Variants in MALRD1 observed in about 807,000 individuals in gnomAD.
The protein encoded by MALRD1 is MAM and LDL-receptor class A domain-containing protein 1.
A neutral mutation model predicts 242.1 loss-of-function variants in MALRD1; 247 were observed. That is an observed-to-expected ratio of 1.02 (90% CI 0.92 to 1.13). The LOEUF is 1.13. Among genes scored for constraint, MALRD1 ranks in the 50% most tolerant of loss-of-function variants. The probability of loss-of-function intolerance (pLI) is 0.00; values close to 1 mark genes in which losing one functional copy is unlikely to be tolerated. For synonymous variants in MALRD1, 995 were observed against 866.6 expected, an observed-to-expected ratio of 1.15 and a Z score of -2.60; for missense variants, 2,989 against 2,533.1, an observed-to-expected ratio of 1.18 and a Z score of -3.86.
chr10:19,719,222 A>ATG (rs1491464679), intron 38 of MALRD1, among the ~76,000 whole-genome samples: 4 of 77,306 alleles, frequency 5.2e-5, no homozygotes, highest in African/African-American at 2.2e-4. Context: ...ACACATACAT[A>ATG]CATATATATA....
At chr10:19,067,659 C>T (rs1018534601) in intron 2 of MALRD1, among the ~76,000 whole-genome samples, 1 of 152,054 alleles carries the variant, frequency 6.6e-6, no homozygotes, top group African/African-American at 2.4e-5. Context: ...ACTCCCTGGT[C>T]TGTCCCTCCC....
intron 33 of MALRD1, among the ~76,000 whole-genome samples, chr10:19,578,791 T>C (rs945947878): frequency 1.3e-5 from 2 of 151,882 alleles, no homozygotes; most frequent in Non-Finnish European, 2.9e-5. Context: ...TGCCCTTCCT[T>C]CCTCTTCTGA....
intron 19 of MALRD1, among the ~76,000 whole-genome samples, chr10:19,260,306 T>A (rs952116062): frequency 6.6e-6 from 1 of 152,072 alleles, no homozygotes; most frequent in Non-Finnish European, 1.5e-5. Context: ...GACAGATAGA[T>A]CTTAATCATA....
At chr10:19,462,890 C>A (rs993390803) in intron 29 of MALRD1, among the ~76,000 whole-genome samples, 2 of 151,974 alleles carry the variant, frequency 1.3e-5, no homozygotes, top group Non-Finnish European at 2.9e-5. Context: ...ATCTGGCTGG[C>A]AAGAAAAAAT....
At chr10:19,383,003 C>A (rs1845902340) in intron 26 of MALRD1, among the ~76,000 whole-genome samples, 1 of 152,094 alleles carries the variant, frequency 6.6e-6, no homozygotes. Flanking sequence ...GTAGGGAACA[C>A]CACTACAGAT....
intron 33 of MALRD1, among the ~76,000 whole-genome samples, chr10:19,587,917 T>C (rs576589195): frequency 1.3e-5 from 2 of 151,258 alleles, no homozygotes; most frequent in Non-Finnish European, 1.5e-5. Context: ...AGGTGTTTTT[T>C]TTTTTTCTTA....
chr10:19,289,806 T>G (rs367559421), intron 21 of MALRD1, among the ~76,000 whole-genome samples: 22 of 152,290 alleles, frequency 1.4e-4, no homozygotes, highest in African/African-American at 4.1e-4. Flanking sequence ...AAAGCCAGGT[T>G]TTTAAGGATG....
chr10:19,607,609 T>A lies in MALRD1; in HGVS notation c.5945-168T>A, dbSNP rs189628572. On this transcript the variant is annotated intron_variant, in intron 34 of 39. Coordinates refer to ENST00000454679, the MANE Select transcript of MALRD1 (RefSeq NM_001142308.3). ...GGTTTTTCTTTCAGACATTTTTAAG[T>A]TAATCCATTTGAAATATTCTTCAAA... Among the ~76,000 whole-genome samples, 7 of 152,270 alleles carry A rather than the reference T, an allele frequency of 4.6e-5. No individual in the cohort carries two copies. The East Asian group carries it at 1.4e-3, about 30-fold the overall frequency.
chr10:19,346,771 C>A (rs1425080691), intron 24 of MALRD1, among the ~76,000 whole-genome samples: 3 of 152,250 alleles, frequency 2.0e-5, no homozygotes, highest in Non-Finnish European at 1.5e-5. Flanking sequence ...CTGCCTCAGC[C>A]TCCCAAGTAG....
intron 26 of MALRD1, among the ~76,000 whole-genome samples, chr10:19,360,558 T>C (rs1484272988): frequency 1.1e-4 from 16 of 152,158 alleles, no homozygotes; most frequent in Admixed American, 9.8e-4. Flanking sequence ...ATATTTTACC[T>C]ATCCTCTTTC....
chr10:19,662,891 A>G (rs1841509587), intron 36 of MALRD1, among the ~76,000 whole-genome samples: 1 of 152,152 alleles, frequency 6.6e-6, no homozygotes, highest in African/African-American at 2.4e-5. Context: ...CAAGGTAAAA[A>G]GCTTCAAGAG....
Position 19,384,607 on chromosome 10 carries a change from A to G in MALRD1, c.4442-2921A>G, listed in dbSNP as rs12412908. Among the ~76,000 whole-genome samples, 329 of 129,162 alleles carry G rather than the reference A, an allele frequency of 2.5e-3. 4 individuals carry two copies. The highest frequency in any genetic ancestry group is 9.2e-3 in the African/African-American group (314 of 34,144). 84.7% of individuals were successfully genotyped at this position (129,162 alleles called of 152,430 possible). On this transcript the variant is annotated intron_variant, in intron 26 of 39. Coordinates refer to ENST00000454679, the MANE Select transcript of MALRD1 (RefSeq NM_001142308.3). ...TACTATATATTATATAATATATAGT[A>G]TATATAATATAATATTTACTATAAT...
intron 32 of MALRD1, among the ~76,000 whole-genome samples, chr10:19,545,362 C>T (rs374792269): frequency 1.3e-5 from 2 of 152,212 alleles, no homozygotes; most frequent in South Asian, 2.1e-4. Flanking sequence ...ATGTTTTGCT[C>T]ATATGCATTT....
intron 29 of MALRD1, among the ~76,000 whole-genome samples, chr10:19,465,181 C>T (rs934918420): frequency 2.0e-5 from 3 of 152,020 alleles, no homozygotes; most frequent in African/African-American, 7.3e-5. Flanking sequence ...TTCCTCCTTA[C>T]CAATTTAAAT....
intron 1 of MALRD1, among the ~76,000 whole-genome samples, chr10:19,059,574 T>C (rs1419242593): frequency 6.6e-6 from 1 of 152,196 alleles, no homozygotes; most frequent in Admixed American, 6.5e-5. Context: ...TTTTTCTTAG[T>C]AGAGATGGAG....
chr10:19,179,753 T>C (rs1835417958), intron 14 of MALRD1, among the ~76,000 whole-genome samples: 2 of 152,224 alleles, frequency 1.3e-5, no homozygotes, highest in African/African-American at 4.8e-5. Flanking sequence ...TCAGTACAAC[T>C]AGCAGTAGAA....
chr10:19,145,393 C>T (rs1833693328), intron 10 of MALRD1, among the ~76,000 whole-genome samples: 1 of 152,106 alleles, frequency 6.6e-6, no homozygotes, highest in African/African-American at 2.4e-5. Flanking sequence ...CCTGTAAACC[C>T]AGCACTTTGG....
chr10:19,153,522 G>GC (rs1407698360), intron 11 of MALRD1, among the ~76,000 whole-genome samples: 7 of 151,850 alleles, frequency 4.6e-5, no homozygotes, highest in Non-Finnish European at 8.8e-5. Flanking sequence ...TTGAGACTCT[G>GC]CTCCTACAAA....
intron 19 of MALRD1, among the ~76,000 whole-genome samples, chr10:19,279,337 C>G (rs1469711238): frequency 6.6e-6 from 1 of 152,168 alleles, no homozygotes; most frequent in Non-Finnish European, 1.5e-5. Flanking sequence ...CTCACACAAC[C>G]CGTTCTGGGA....
Sources: allele counts gnomAD v4.1 joint callset (sites outside exome capture counted in the v4.1 genomes callset), GRCh38; gene constraint gnomAD v4.1.1; transcripts MANE v1.5; gene names NCBI Gene and HGNC (gene_info 2026-07-23, HGNC 2026-07-21).